Variants in PLCZ1 observed in about 807,000 individuals in gnomAD.
The protein encoded by PLCZ1 is phospholipase C zeta 1.
In PLCZ1, 64 loss-of-function variants were observed where a neutral mutation model predicts 76.8. That is an observed-to-expected ratio of 0.83 (90% confidence interval 0.68 to 1.03). The LOEUF is 1.03. Among genes scored for constraint, PLCZ1 ranks in the 50% least tolerant of loss-of-function variants. The pLI is 0.00. For missense variants in PLCZ1, 751 were observed against 713.7 expected (o/e 1.05, Z -0.60); for synonymous variants, 248 against 230.8 (o/e 1.07, Z -0.68).
chr12:18,652,992 G>A, the PLCZ1 span, among the ~76,000 whole-genome samples: 4 of 151,926 alleles, frequency 2.6e-5, no homozygotes, highest in Admixed American at 6.6e-5. Flanking sequence ...GAGGGAGCTG[G>A]AATCTTTGGA....
chr12:18,687,235 G>A (rs947425416), intron 13 of PLCZ1, among the ~76,000 whole-genome samples: 3 of 152,138 alleles, frequency 2.0e-5, no homozygotes, highest in Non-Finnish European at 4.4e-5. Flanking sequence ...GAGTGCAAAG[G>A]AGGCAGACTA....
chr12:18,710,694 G>C (rs548047558), intron 6 of PLCZ1, among the ~76,000 whole-genome samples: 2 of 152,170 alleles, frequency 1.3e-5, no homozygotes, highest in East Asian at 3.9e-4. Context: ...AGTAAAAATG[G>C]GCAGAGATAG....
chr12:18,667,276 G>C, the PLCZ1 span, among the ~76,000 whole-genome samples: 2,040 of 152,198 alleles, frequency 0.013, 54 homozygotes, highest in African/African-American at 0.048. Flanking sequence ...CTACCACTTA[G>C]AGATATGTGT....
chr12:18,683,133 A>G (rs947690749), downstream of PLCZ1: 2 of 938,024 alleles, frequency 2.1e-6, no homozygotes, highest in Admixed American at 4.3e-5. Context: ...TTCTAGTTTT[A>G]TGAGTAATTA....
At chr12:18,704,927 G>A (rs1592144592) in intron 7 of PLCZ1, among the ~76,000 whole-genome samples, 1 of 151,796 alleles carries the variant, frequency 6.6e-6, no homozygotes, top group South Asian at 2.1e-4. Context: ...GGACCCATGG[G>A]GTAGGAGACA....
the PLCZ1 span, among the ~76,000 whole-genome samples, chr12:18,658,279 T>C: frequency 6.6e-6 from 1 of 152,146 alleles, no homozygotes; most frequent in East Asian, 1.9e-4. Context: ...ACAGAAAGAA[T>C]ATTTAAAGAA....
At chr12:18,706,249 A>T (rs533404172) in intron 6 of PLCZ1, among the ~76,000 whole-genome samples, 38 of 152,160 alleles carry the variant, frequency 2.5e-4, no homozygotes, top group East Asian at 1.5e-3. Context: ...AAAATAAAAA[A>T]AAAAAAAGAA....
At chr12:18,677,977 G>C in the PLCZ1 span, among the ~76,000 whole-genome samples, 12 of 152,064 alleles carry the variant, frequency 7.9e-5, no homozygotes, top group Non-Finnish European at 1.0e-4. Context: ...TCAATCAAGA[G>C]AGTATGTCAA....
At chr12:18,707,760 A>G (rs1198558294) in intron 6 of PLCZ1, among the ~76,000 whole-genome samples, 1 of 152,142 alleles carries the variant, frequency 6.6e-6, no homozygotes, top group Non-Finnish European at 1.5e-5. Context: ...CTAAACTTTA[A>G]TCTTATCTAT....
At chr12:18,727,215 G>A (rs981622950) in intron 3 of PLCZ1, among the ~76,000 whole-genome samples, 1 of 152,034 alleles carries the variant, frequency 6.6e-6, no homozygotes, top group Admixed American at 6.6e-5. Flanking sequence ...AAGTGCATTG[G>A]TGCCTGCCTG....
At chr12:18,733,242 G>C (rs192576639) in intron 3 of PLCZ1, among the ~76,000 whole-genome samples, 1 of 152,260 alleles carries the variant, frequency 6.6e-6, no homozygotes, top group African/African-American at 2.4e-5. Context: ...TTGGCCATTT[G>C]TATAGCTTCT....
intron 3 of PLCZ1, among the ~76,000 whole-genome samples, chr12:18,734,570 C>T (rs559036399): frequency 3.9e-5 from 6 of 152,228 alleles, no homozygotes; most frequent in African/African-American, 1.2e-4. Context: ...AGGCTGGCCT[C>T]GAACTCCTGA....
At chr12:18,647,557 G>C in the PLCZ1 span, among the ~76,000 whole-genome samples, 1 of 151,788 alleles carries the variant, frequency 6.6e-6, no homozygotes, top group Non-Finnish European at 1.5e-5. Flanking sequence ...CATATTTATG[G>C]GGTATAAAAG....
the PLCZ1 span, among the ~76,000 whole-genome samples, chr12:18,654,862 GA>G: frequency 6.6e-6 from 1 of 152,102 alleles, no homozygotes; most frequent in Non-Finnish European, 1.5e-5. Context: ...ATAAAATTTT[GA>G]GAGTGGAAAG....
chr12:18,658,317 G>C, the PLCZ1 span, among the ~76,000 whole-genome samples: 1 of 152,270 alleles, frequency 6.6e-6, no homozygotes, highest in East Asian at 1.9e-4. Context: ...CAATTCACTT[G>C]ATGAATTACA....
downstream of PLCZ1, among the ~76,000 whole-genome samples, chr12:18,681,468 C>G (rs924605444): frequency 1.3e-5 from 2 of 151,918 alleles, no homozygotes; most frequent in African/African-American, 4.8e-5. Flanking sequence ...CACAACATTC[C>G]CAACCTATTC....
chr12:18,733,803 A>G (rs1367306103), intron 3 of PLCZ1, among the ~76,000 whole-genome samples: 2 of 152,148 alleles, frequency 1.3e-5, no homozygotes, highest in East Asian at 3.9e-4. Flanking sequence ...TGGGCTCTCT[A>G]TTCTGTTCCA....
At chr12:18,655,569 G>A in the PLCZ1 span, among the ~76,000 whole-genome samples, 2 of 152,200 alleles carry the variant, frequency 1.3e-5, no homozygotes, top group South Asian at 4.2e-4. Flanking sequence ...TGGAAAAGAG[G>A]ATTGGGGGAT....
chr12:18,668,984 T>C, the PLCZ1 span, among the ~76,000 whole-genome samples: 1 of 152,124 alleles, frequency 6.6e-6, no homozygotes. Flanking sequence ...TCCAGGTGTG[T>C]AATTAATTTC....
Sources: allele counts gnomAD v4.1 joint callset (sites outside exome capture counted in the v4.1 genomes callset), GRCh38; gene constraint gnomAD v4.1.1; transcripts MANE v1.5; gene names NCBI Gene and HGNC (gene_info 2026-07-23, HGNC 2026-07-21).